Variants in TJP2 observed in about 807,000 individuals in gnomAD.
The protein encoded by TJP2 is tight junction protein 2, also known as Friedreich ataxia region gene X104 (tight junction protein ZO-2).
Under a neutral mutation model 133.1 loss-of-function variants are expected in TJP2, and 91 were observed. The ratio of observed to expected loss-of-function variants is 0.68; its 90% CI spans 0.58 to 0.81. The LOEUF is 0.81. Among genes scored for constraint, TJP2 ranks in the 40% least tolerant of loss-of-function variants. The pLI is 0.00. For synonymous variants in TJP2, 592 were observed against 583.4 expected (o/e 1.01, Z -0.21); for missense variants, 1,541 against 1,565.6 (o/e 0.98, Z 0.26).
intron 1 of TJP2, among the ~76,000 whole-genome samples, chr9:69,135,883 G>A (rs1262528434): frequency 6.6e-6 from 1 of 152,188 alleles, no homozygotes; most frequent in Non-Finnish European, 1.5e-5. Context: ...TGAGATTACA[G>A]GCGTGAGTCA....
Position 69,236,916 on chromosome 9 carries a change from T to A in TJP2, c.1992-33T>A, listed in dbSNP as rs767541793. 7 of 1,612,738 alleles carry A rather than the reference T, an allele frequency of 4.3e-6. No homozygotes were observed. In the African/African-American group the frequency reaches 9.3e-5, roughly 22 times the overall value. ...ATGCATGTTAGCTGCGTTTTCTGGC[T>A]TTAGAGATTTACTTCCCGTGGTTTC... On this transcript the variant is annotated intron_variant, in intron 13 of 22. Coordinates refer to ENST00000377245, the MANE Select transcript of TJP2 (RefSeq NM_004817.4).
Position 69,228,079 on chromosome 9 carries a change from C to A in TJP2, c.1418C>A (p.Thr473Asn). 1 of 1,613,262 alleles carries A rather than the reference C, an allele frequency of 6.2e-7. No individual in the cohort carries two copies. The highest frequency in any genetic ancestry group is 8.5e-7 in the Non-Finnish European group (1 of 1,179,634). The change falls in exon 9 of 23, where the codon ACC becomes AAC. Residue 473 changes from threonine to asparagine, a missense_variant. Transcript: ENST00000377245. ...ATTGCAGGCACAGTTGTCCCAGAGA[C>A]CAACAAGGAACCCAGATACCAAGAG... ...GDIAGTVVPE[T>N]NKEPRYQEDP...
intron 1 of TJP2, among the ~76,000 whole-genome samples, chr9:69,122,748 G>A (rs188499230): frequency 5.5e-4 from 83 of 152,282 alleles, no homozygotes; most frequent in Admixed American, 1.1e-3. Flanking sequence ...TATTGTCTGT[G>A]GCTACTTCCC....
chr9:69,248,502 T>C, intron 19 of TJP2: 1 of 1,304,026 alleles, frequency 7.7e-7, no homozygotes, highest in Non-Finnish European at 9.7e-7. Context: ...AGGTGCCGTC[T>C]GTCCAAATTA....
chr9:69,230,202 G>A lies in TJP2; in HGVS notation c.1641G>A (p.Glu547=). ...GIQEGTSAEQ[E]GLQEGDQILK... is the part of the protein sequence containing the mutation. ...AAGAAGGGACCTCGGCGGAGCAGGAGGGCCTTCAAGAAGGAGACCAGATTC... is the reference window on the plus strand; with the variant it reads ...AAGAAGGGACCTCGGCGGAGCAGGAAGGCCTTCAAGAAGGAGACCAGATTC... The change falls in exon 11 of 23, where the codon GAG becomes GAA. Residue 547 remains glutamate, a synonymous_variant. Transcript: ENST00000377245. 1 of 1,614,160 alleles carries A rather than the reference G, an allele frequency of 6.2e-7. No homozygotes were observed. Among genetic ancestry groups the A allele is most frequent in the South Asian group, 1.1e-5 (1 of 91,078 alleles).
At chr9:69,246,495 C>T (rs1291767197) in intron 17 of TJP2, 195 bp from the exon 18 acceptor site, 1 of 606,880 alleles carries the variant, frequency 1.6e-6, no homozygotes, top group African/African-American at 1.8e-5. Flanking sequence ...ATAATGTGAA[C>T]TCAAACAGCT....
chr9:69,219,828 C>A (rs528348748), intron 4 of TJP2, among the ~76,000 whole-genome samples: 1 of 152,242 alleles, frequency 6.6e-6, no homozygotes, highest in South Asian at 2.1e-4. Context: ...AGAAGGGTTC[C>A]TCTTTCCCCT....
intron 1 of TJP2, chr9:69,145,725 G>C: frequency 3.2e-6 from 4 of 1,231,806 alleles, no homozygotes; most frequent in Non-Finnish European, 4.0e-6. Context: ...GAAATATATC[G>C]GTATTCTGGA....
chr9:69,168,399 A>G (rs561829445), intron 2 of TJP2, among the ~76,000 whole-genome samples: 1 of 152,322 alleles, frequency 6.6e-6, no homozygotes, highest in South Asian at 2.1e-4. Context: ...TCTGTGTACA[A>G]CTGAAAACAG....
At chr9:69,242,807 A>G (rs1349870263) in intron 17 of TJP2, among the ~76,000 whole-genome samples, 2 of 152,218 alleles carry the variant, frequency 1.3e-5, no homozygotes, top group Admixed American at 6.5e-5. Context: ...TGCCATGTCC[A>G]GAAACACTAG....
At chr9:69,174,049 G>C (rs1291096880), upstream of TJP2, 2 of 1,063,008 alleles carry the variant, frequency 1.9e-6, no homozygotes, top group African/African-American at 3.4e-5. Context: ...GCCAGGAGTC[G>C]CGCGTGACGC....
chr9:69,165,779 G>T (rs2132878044), intron 2 of TJP2, among the ~76,000 whole-genome samples: 1 of 152,292 alleles, frequency 6.6e-6, no homozygotes, highest in East Asian at 1.9e-4. Context: ...AGGGTGTCCT[G>T]CCAGGAAGAA....
chr9:69,227,840 A>G lies in TJP2; in HGVS notation c.1286A>G (p.His429Arg), dbSNP rs1311078930. Residue 429 changes from histidine (H) to arginine (R), a missense_variant, in exon 8 of 23, where the codon CAT (histidine) becomes CGT (arginine). Transcript: ENST00000377245. Reference sequence around the variant, plus strand: ...CATCAGTATTCTGATTATGATTATCATTCCTCAAGTGAGAAGCTGAAGGAA... The same window carrying G: ...CATCAGTATTCTGATTATGATTATCGTTCCTCAAGTGAGAAGCTGAAGGAA... ...RRHQYSDYDY[H>R]SSSEKLKERP... is the part of the protein sequence containing the mutation. The G allele has an allele frequency of 1.9e-6, 3 of 1,613,904 alleles. No individual in the cohort carries two copies. The highest frequency in any genetic ancestry group is 2.7e-5 in the African/African-American group (2 of 74,930).
At chr9:69,249,545 C>T in intron 20 of TJP2, 60 bp downstream of exon 20, 1 of 1,556,818 alleles carries the variant, frequency 6.4e-7, no homozygotes, top group Non-Finnish European at 8.7e-7. Flanking sequence ...CTGAAGCCTC[C>T]TGGACGGCCA....
chr9:69,218,514 T>A (rs577323745), intron 4 of TJP2, 155 bp downstream of exon 4: 8 of 694,168 alleles, frequency 1.2e-5, no homozygotes, highest in Admixed American at 1.0e-4. Flanking sequence ...TGTGAAGATA[T>A]GTGTAAGTTA....
At chr9:69,249,752 G>T (rs1207509649) in intron 20 of TJP2, 8 of 984,640 alleles carry the variant, frequency 8.1e-6, no homozygotes, top group African/African-American at 1.7e-5. Context: ...GTTAAAAAAA[G>T]ATTGTAAAGA....
chr9:69,129,641 GAA>G (rs1158593660), intron 1 of TJP2, among the ~76,000 whole-genome samples: 1 of 152,154 alleles, frequency 6.6e-6, no homozygotes, highest in East Asian at 1.9e-4. Context: ...ACTGCCAAAA[GAA>G]GAGTAGACTA....
At chr9:69,162,712 T>G (rs1436131206) in intron 2 of TJP2, among the ~76,000 whole-genome samples, 2 of 152,250 alleles carry the variant, frequency 1.3e-5, no homozygotes. Flanking sequence ...ATCCCAAGTG[T>G]ATACCCCAGG....
chr9:69,193,128 C>T (rs1036213249), intron 1 of TJP2, among the ~76,000 whole-genome samples: 2 of 152,058 alleles, frequency 1.3e-5, no homozygotes, highest in Non-Finnish European at 2.9e-5. Flanking sequence ...GTTGCCCAGG[C>T]TGGTCTTGAA....
Sources: gnomAD v4.1 joint callset for allele counts (sites outside exome capture counted in the v4.1 genomes callset) on GRCh38, gnomAD v4.1.1 for gene constraint, MANE v1.5 for transcripts, NCBI Gene and HGNC (gene_info 2026-07-23, HGNC 2026-07-21) for gene names.